The following ATP11A variants were observed in gnomAD, a reference collection of about 807,000 sequenced individuals.
The protein encoded by ATP11A is phospholipid-transporting ATPase IH.
In ATP11A, 81 loss-of-function variants were observed where a neutral mutation model predicts 154.4. That is an observed-to-expected ratio of 0.52 (90% confidence interval 0.44 to 0.63). ATP11A has a LOEUF of 0.63. Ranked by LOEUF, ATP11A falls within the 30% of genes least tolerant of loss-of-function variation. The probability of loss-of-function intolerance (pLI) is 0.00; values close to 1 mark genes in which losing one functional copy is unlikely to be tolerated. For synonymous variants in ATP11A, 623 were observed against 585.9 expected (o/e 1.06, Z -0.91); for missense variants, 1,316 against 1,474.3 (o/e 0.89, Z 1.76).
In ATP11A at chr13:112,882,058, C is replaced by T. The variant is rs142416018; in HGVS notation, c.*192C>T. 59 of 1,367,658 alleles carry T rather than the reference C, an allele frequency of 4.3e-5. No individual in the cohort carries two copies. The highest frequency in any genetic ancestry group is 2.1e-4 in the Middle Eastern group (1 of 4,768). The allele number at this position is 1,367,658 out of a possible 1,614,324, so 84.7% of individuals were successfully genotyped here. On this transcript the variant is annotated 3_prime_UTR_variant, in exon 30 of 30. Transcript: ENST00000375645. The surrounding 1 kb of genome is among the most constrained non-coding windows in gnomAD (Gnocchi z 5.1). ...GCCCTAGGTCCCGTGTGGGAATGCT[C>T]GTGTGATGGATGGTCCTAAGCCTGT...
intron 6 of ATP11A, among the ~76,000 whole-genome samples, chr13:112,817,254 A>G (rs2078670234): frequency 6.6e-6 from 1 of 152,220 alleles, no homozygotes; most frequent in East Asian, 1.9e-4. Context: ...GGTAATACGT[A>G]TGGATATAGG....
intron 16 of ATP11A, among the ~76,000 whole-genome samples, chr13:112,840,872 A>T (rs1183481433): frequency 6.6e-6 from 1 of 151,558 alleles, no homozygotes. Flanking sequence ...TGTCCCTCCC[A>T]CCACCACCCT....
rs529550864 is a variant in ATP11A at position 112,846,292 on chromosome 13, G to A, written c.1809+3913G>A. Among the ~76,000 whole-genome samples, 8 of 152,210 alleles carry A rather than the reference G, an allele frequency of 5.3e-5. No homozygotes were observed. The South Asian group carries it at 1.7e-3, about 32-fold the overall frequency. On this transcript the variant is annotated intron_variant, in intron 17 of 29. Transcript: ENST00000375645. ...CCAGGACCCATGTACTCAACTGCCGGATGTTGTCTCACCGCTTACAAAGGC... is the reference window on the plus strand; with the variant it reads ...CCAGGACCCATGTACTCAACTGCCGAATGTTGTCTCACCGCTTACAAAGGC...
At chr13:112,757,979 G>A (rs1162457056) in intron 1 of ATP11A, among the ~76,000 whole-genome samples, 1 of 152,204 alleles carries the variant, frequency 6.6e-6, no homozygotes, top group Admixed American at 6.5e-5. Flanking sequence ...AAGCTTCCAG[G>A]GAGTCCACGC....
intron 1 of ATP11A, among the ~76,000 whole-genome samples, chr13:112,765,304 C>T (rs984014368): frequency 3.3e-5 from 5 of 152,142 alleles, no homozygotes; most frequent in Admixed American, 6.5e-5. Flanking sequence ...CCAGGCCCAT[C>T]CTTGGGGAGG....
chr13:112,836,556 C>G (rs1250087022), intron 16 of ATP11A, among the ~76,000 whole-genome samples: 2 of 152,248 alleles, frequency 1.3e-5, no homozygotes, highest in East Asian at 3.8e-4. Context: ...GAAAGTTCCT[C>G]TGCCCATCCC....
rs1343886754 is a variant in ATP11A at position 112,697,475 on chromosome 13, A to G, written c.39+7020A>G. Among the ~76,000 whole-genome samples, 1 of 152,104 alleles carries G rather than the reference A, an allele frequency of 6.6e-6. No homozygotes were observed. The highest frequency in any genetic ancestry group is 1.5e-5 in the Non-Finnish European group (1 of 68,016). On this transcript the variant is annotated intron_variant, in intron 1 of 29. Transcript: ENST00000375645. This position sits in a 1 kb window ranked among gnomAD's most constrained non-coding sequence, Gnocchi z 4.0. ...CCATTGGCAATTCGGAAGGGAATTC[A>G]GGGAGAGCAGCCGCAGTGCCCTGTC...
intron 17 of ATP11A, among the ~76,000 whole-genome samples, chr13:112,850,459 G>A (rs913828832): frequency 1.3e-5 from 2 of 152,170 alleles, no homozygotes; most frequent in African/African-American, 4.8e-5. Flanking sequence ...CATTCTCTCT[G>A]TATGGTAACA....
chr13:112,691,483 GGTGTGT>G (rs58956060), intron 1 of ATP11A, among the ~76,000 whole-genome samples: 67 of 125,146 alleles, frequency 5.4e-4, no homozygotes, highest in South Asian at 1.5e-3. Flanking sequence ...AAAAAAAAAG[GGTGTGT>G]GTGTGTGTGT....
chr13:112,736,697 A>G lies in ATP11A; in HGVS notation c.39+46242A>G, dbSNP rs183047836. Among the ~76,000 whole-genome samples, 10 of 152,370 alleles carry G rather than the reference A, an allele frequency of 6.6e-5. No individual in the cohort carries two copies. The South Asian group carries it at 1.4e-3, about 22-fold the overall frequency. On this transcript the variant is annotated intron_variant, in intron 1 of 29. Coordinates refer to ENST00000375645, the MANE Select transcript of ATP11A (RefSeq NM_015205.3). ...AGTACATTTTGGAAATCTGTCCCCTAGTGGCATGCATCTAATGCACTGTCC... is the reference window on the plus strand; with the variant it reads ...AGTACATTTTGGAAATCTGTCCCCTGGTGGCATGCATCTAATGCACTGTCC...
Position 112,886,400 on chromosome 13 carries a change from T to C in ATP11A, c.*4534T>C, listed in dbSNP as rs979215415. 1.3e-5 allele frequency: 2 copies of C among 152,228 alleles called. No homozygotes were observed. The highest frequency in any genetic ancestry group is 1.5e-5 in the Non-Finnish European group (1 of 68,044). 9.4% of individuals were successfully genotyped at this position (152,228 alleles called of 1,614,324 possible). ...GTACTGAATAATACAACCACTCTTA[T>C]TTAATGTTAGTATTATTTATTTGAC... On this transcript the variant is annotated 3_prime_UTR_variant, in exon 30 of 30. Coordinates refer to ENST00000375645, the MANE Select transcript of ATP11A (RefSeq NM_015205.3).
Position 112,831,562 on chromosome 13 carries a change from C to G in ATP11A, c.1395+14C>G. 1 of 1,611,902 alleles carries G rather than the reference C, an allele frequency of 6.2e-7. No individual in the cohort carries two copies. Among genetic ancestry groups the G allele is most frequent in the East Asian group, 2.2e-5 (1 of 44,858 alleles). Reference sequence around the variant, plus strand: ...GTCAACGGGAGGGTAGGTGGCAGCCCCCACGCCGTCCAAGTGTGTGAGTGA... The same window carrying G: ...GTCAACGGGAGGGTAGGTGGCAGCCGCCACGCCGTCCAAGTGTGTGAGTGA... On this transcript the variant is annotated intron_variant, in intron 13 of 29. Transcript: ENST00000375645.
intron 1 of ATP11A, among the ~76,000 whole-genome samples, chr13:112,735,995 G>C (rs114145305): frequency 6.6e-6 from 1 of 152,036 alleles, no homozygotes; most frequent in Non-Finnish European, 1.5e-5. Flanking sequence ...CAGAGCCTCC[G>C]TATGCGCATG....
At chr13:112,712,989 C>T (rs368435610) in intron 1 of ATP11A, among the ~76,000 whole-genome samples, 7 of 152,218 alleles carry the variant, frequency 4.6e-5, no homozygotes, top group African/African-American at 9.7e-5. Context: ...TTGAAAGAGA[C>T]GTATCTGGTT....
chr13:112,729,511 C>T (rs549934686), intron 1 of ATP11A, among the ~76,000 whole-genome samples: 1 of 152,292 alleles, frequency 6.6e-6, no homozygotes, highest in East Asian at 1.9e-4. Flanking sequence ...TCGGAAGGCA[C>T]TGAGGCAGCG....
rs557966975 is a variant in ATP11A, at chr13:112,876,791, G to A, written c.3327+850G>A. On this transcript the variant is annotated intron_variant, in intron 28 of 29. Transcript: ENST00000375645. ...GGAAGACGGGGAGTGAGTGGGGGCC[G>A]GGGCCCCAGCCCTGACTCACTCACG... 2.4e-4 allele frequency among the ~76,000 whole-genome samples: 37 copies of A among 152,290 alleles called. 1 individual carries two copies. Among genetic ancestry groups the A allele is most frequent in the African/African-American group, 5.5e-4 (23 of 41,562 alleles).
At position 112,710,942 on chromosome 13, in the gene ATP11A, G is replaced by A. The variant is rs116292133; in HGVS notation, c.39+20487G>A. 4.6e-3 allele frequency among the ~76,000 whole-genome samples: 703 copies of A among 151,208 alleles called. 11 individuals carry two copies. The highest frequency in any genetic ancestry group is 0.016 in the African/African-American group (672 of 40,762). ...GCGGGAGGCTTCAGAGCGGAGGGCA[G>A]GGCCCCTGCCAACCACCCGGAGCCA... On this transcript the variant is annotated intron_variant, in intron 1 of 29. Transcript: ENST00000375645.
At chr13:112,743,567 G>C (rs1246042706) in intron 1 of ATP11A, among the ~76,000 whole-genome samples, 1 of 151,916 alleles carries the variant, frequency 6.6e-6, no homozygotes, top group African/African-American at 2.4e-5. Context: ...GATGCTGTAG[G>C]TTCCTGCTAG....
intron 17 of ATP11A, among the ~76,000 whole-genome samples, chr13:112,849,448 C>T (rs193108957): frequency 5.3e-5 from 8 of 152,300 alleles, no homozygotes; most frequent in Admixed American, 3.3e-4. Flanking sequence ...TATTTATTTC[C>T]AAAAGCTTCT....
Sources: gnomAD v4.1 joint callset for allele counts (sites outside exome capture counted in the v4.1 genomes callset) on GRCh38, gnomAD v4.1.1 for gene constraint, Gnocchi (gnomAD v3.1) non-coding constraint, MANE v1.5 for transcripts, NCBI Gene and HGNC (gene_info 2026-07-23, HGNC 2026-07-21) for gene names.